The following MAPT variants were observed in gnomAD, a reference collection of about 807,000 sequenced individuals.
MAPT encodes the protein microtubule-associated protein tau.
In MAPT, 34 loss-of-function variants were observed where a neutral mutation model predicts 67.9. That is an observed-to-expected ratio of 0.50 (90% CI 0.38 to 0.67). The LOEUF is 0.67. MAPT is among the 30% of genes least tolerant of loss of function. The pLI, the probability that MAPT is intolerant of heterozygous loss-of-function variation, is 0.00. For synonymous variants in MAPT, 456 were observed against 464.5 expected, an observed-to-expected ratio of 0.98 and a Z score of 0.23; for missense variants, 881 against 1,115.2, an observed-to-expected ratio of 0.79 and a Z score of 2.99.
chr17:45,975,590 C>T (rs1030502576), intron 3 of MAPT: 1 of 152,242 alleles, frequency 6.6e-6, no homozygotes, highest in African/African-American at 2.4e-5. Context: ...TCTCCCTTCA[C>T]AGTTATTTCA....
rs913889953 is a variant in MAPT at position 46,014,230 on chromosome 17, C to G, written c.2092-13C>G. ...TGCCTTTCCTCTTCTCTCTCCTCCTCTCTCATCTCCAGGTGCAAATAGTCT... is the reference window on the plus strand; with the variant it reads ...TGCCTTTCCTCTTCTCTCTCCTCCTGTCTCATCTCCAGGTGCAAATAGTCT... On this transcript the variant is annotated splice_polypyrimidine_tract_variant and intron_variant, in intron 10 of 12. Coordinates refer to ENST00000262410, the MANE Select transcript of MAPT (RefSeq NM_001377265.1). 6.4e-7 allele frequency: 1 copy of G among 1,559,456 alleles called. No homozygotes were observed. The highest frequency in any genetic ancestry group is 2.2e-5 in the East Asian group (1 of 44,636).
chr17:45,947,283 G>A (rs1467398990), intron 1 of MAPT, among the ~76,000 whole-genome samples: 1 of 151,984 alleles, frequency 6.6e-6, no homozygotes, highest in East Asian at 1.9e-4. Flanking sequence ...GAAGCTCAAA[G>A]TTGGGGACCA....
chr17:45,946,344 G>A (rs528388977), intron 1 of MAPT, among the ~76,000 whole-genome samples: 111 of 152,162 alleles, frequency 7.3e-4, no homozygotes, highest in Non-Finnish European at 1.0e-4. Flanking sequence ...GCTCACACCT[G>A]TAATACCACC....
chr17:46,014,882 CA>C (rs1254513618), intron 11 of MAPT, among the ~76,000 whole-genome samples: 51 of 127,398 alleles, frequency 4.0e-4, no homozygotes, highest in Admixed American at 4.8e-4. Context: ...GACTCCGTCT[CA>C]AAAAAAAAAA....
At chr17:46,003,572 C>T (rs762727803) in intron 9 of MAPT, among the ~76,000 whole-genome samples, 20 of 152,222 alleles carry the variant, frequency 1.3e-4, no homozygotes, top group Non-Finnish European at 2.8e-4. Context: ...AGCCACCACG[C>T]CTGCCCTTAA....
intron 1 of MAPT, among the ~76,000 whole-genome samples, chr17:45,901,424 T>C (rs1159570622): frequency 1.3e-5 from 2 of 152,234 alleles, no homozygotes; most frequent in Non-Finnish European, 2.9e-5. Flanking sequence ...ACAAATGAAG[T>C]AATTCAACAG....
At chr17:45,954,272 T>G (rs2069381675) in intron 1 of MAPT, among the ~76,000 whole-genome samples, 1 of 152,188 alleles carries the variant, frequency 6.6e-6, no homozygotes, top group Non-Finnish European at 1.5e-5. Flanking sequence ...ACAATTACGT[T>G]GAGCAGTTAC....
intron 12 of MAPT, among the ~76,000 whole-genome samples, chr17:46,019,008 T>C (rs2076356455): frequency 6.6e-6 from 1 of 152,208 alleles, no homozygotes; most frequent in South Asian, 2.1e-4. Context: ...TATTTATTTT[T>C]ATGTATTTAA....
chr17:45,919,444 G>A (rs1209341720), intron 1 of MAPT, among the ~76,000 whole-genome samples: 7 of 152,206 alleles, frequency 4.6e-5, no homozygotes, highest in African/African-American at 1.7e-4. Flanking sequence ...GTGGAGAACC[G>A]TGGTCAGTTC....
intron 2 of MAPT, among the ~76,000 whole-genome samples, chr17:45,964,458 T>A (rs2070824086): frequency 6.7e-6 from 1 of 148,944 alleles, no homozygotes; most frequent in African/African-American, 2.5e-5. Flanking sequence ...GGCAGGAGGA[T>A]TGCTTGAGCC....
At chr17:46,015,984 A>AT (rs1430776236) in intron 11 of MAPT, among the ~76,000 whole-genome samples, 2 of 152,162 alleles carry the variant, frequency 1.3e-5, no homozygotes, top group Admixed American at 1.3e-4. Flanking sequence ...AGCTATATGG[A>AT]TGCATGAGCT....
Position 46,010,220 on chromosome 17 carries a change from A to G in MAPT, c.1999-90A>G. 7.1e-6 allele frequency: 6 copies of G among 842,268 alleles called. No homozygotes were observed. Among genetic ancestry groups the G allele is most frequent in the Non-Finnish European group, 1.2e-5 (6 of 500,978 alleles). 52.2% of individuals were successfully genotyped at this position (842,268 alleles called of 1,614,324 possible). On this transcript the variant is annotated intron_variant, in intron 9 of 12. Coordinates refer to ENST00000262410, the MANE Select transcript of MAPT (RefSeq NM_001377265.1). The surrounding 1 kb of genome is among the most constrained non-coding windows in gnomAD (Gnocchi z 4.7). The stretch of plus-strand genomic sequence containing the variant: ...CAAGTAGGCGGGTCCAGGGTGGCGC[A>G]TGTCACTCATCGAAAGTGGAGGCGT...
chr17:45,926,009 G>A (rs979482284), intron 1 of MAPT, among the ~76,000 whole-genome samples: 3 of 152,030 alleles, frequency 2.0e-5, no homozygotes, highest in South Asian at 2.1e-4. Context: ...CCAGGAGTTC[G>A]AGACCAGCCT....
chr17:45,999,352 A>G (rs185788904), intron 9 of MAPT: 20 of 1,614,018 alleles, frequency 1.2e-5, no homozygotes, highest in Non-Finnish European at 1.0e-5. Context: ...GCCGGCCCTC[A>G]TTGAATGCGG....
At chr17:45,919,063 A>AT (rs1469544202) in intron 1 of MAPT, among the ~76,000 whole-genome samples, 60 of 143,552 alleles carry the variant, frequency 4.2e-4, no homozygotes, top group African/African-American at 1.3e-3. Context: ...CTCTGTCTCA[A>AT]TAAAAAAAAA....
chr17:45,921,208 T>G (rs1467970), intron 1 of MAPT, among the ~76,000 whole-genome samples: 21,816 of 152,174 alleles, frequency 0.14, 2,137 homozygotes, highest in Middle Eastern at 0.22. Flanking sequence ...TTCGGGGTAT[T>G]TCTCACTGAT....
At chr17:46,006,181 G>A (rs2075395464) in intron 9 of MAPT, among the ~76,000 whole-genome samples, 1 of 152,204 alleles carries the variant, frequency 6.6e-6, no homozygotes. Flanking sequence ...AGATTTGGAA[G>A]CAACCCAAGT....
rs56301633 is a variant in MAPT at position 46,000,484 on chromosome 17, G to T, written c.1998+3820G>T. Among the ~76,000 whole-genome samples the T allele has an allele frequency of 4.2e-4, 64 of 151,994 alleles. 1 individual carries two copies. The highest frequency in any genetic ancestry group is 5.9e-5 in the Non-Finnish European group (4 of 67,926). On this transcript the variant is annotated intron_variant, in intron 9 of 12. Transcript: ENST00000262410. ...GTGGGGTGCCAGGCAGGAAGAGCCC[G>T]TAGGCCCCGCCGATCTTGTGGGAGT...
chr17:45,927,294 G>A (rs1203937434), intron 1 of MAPT, among the ~76,000 whole-genome samples: 1 of 152,094 alleles, frequency 6.6e-6, no homozygotes, highest in Admixed American at 6.5e-5. Context: ...GTTGGGGAAG[G>A]GGGTAGTCGC....
Sources: allele counts gnomAD v4.1 joint callset (sites outside exome capture counted in the v4.1 genomes callset), GRCh38; gene constraint gnomAD v4.1.1; non-coding constraint Gnocchi (gnomAD v3.1); transcripts MANE v1.5; gene names NCBI Gene and HGNC (gene_info 2026-07-23, HGNC 2026-07-21).